Variants in SUMF1 observed in about 807,000 individuals in gnomAD.
The protein encoded by SUMF1 is formylglycine-generating enzyme.
A neutral mutation model predicts 47.6 loss-of-function variants in SUMF1; 48 were observed. That is an observed-to-expected ratio of 1.01 (90% CI 0.80 to 1.28). The LOEUF (loss-of-function observed/expected upper bound fraction) is 1.28. SUMF1 is among the 50% of genes most tolerant of loss of function. SUMF1 has a pLI of 0.00. For missense variants in SUMF1, 571 were observed against 485.4 expected, an observed-to-expected ratio of 1.18 and a Z score of -1.66; for synonymous variants, 230 against 192.1, an observed-to-expected ratio of 1.20 and a Z score of -1.63.
At chr3:4,315,209 G>T (rs1028274732) in intron 8 of SUMF1, among the ~76,000 whole-genome samples, 1 of 152,138 alleles carries the variant, frequency 6.6e-6, no homozygotes, top group Non-Finnish European at 1.5e-5. Context: ...CTCTGAAGCA[G>T]TCCTGCTTTT....
At position 4,090,502 on chromosome 3, in the gene SUMF1, T is replaced by C. The variant is rs1304286032; in HGVS notation, c.1015-21757A>G. Among the ~76,000 whole-genome samples, 8 of 152,090 alleles carry C rather than the reference T, an allele frequency of 5.3e-5. 1 individual carries two copies. Among genetic ancestry groups the C allele is most frequent in the Non-Finnish European group, 8.8e-5 (6 of 68,024 alleles). ...GGCTCCAGCCACCCATGACCCTGAATTGGAATTAAGCAGGTTGGAAAAGAA... is the reference window on the plus strand; with the variant it reads ...GGCTCCAGCCACCCATGACCCTGAACTGGAATTAAGCAGGTTGGAAAAGAA... On this transcript the variant is annotated intron_variant and NMD_transcript_variant, in intron 8 of 12. Coordinates refer to the SUMF1 transcript ENST00000448413.
In SUMF1 at chr3:4,232,928, A is replaced by G. The variant is rs78397012; in HGVS notation, c.1014+143402T>C. Reference sequence around the variant, plus strand: ...GTTACAGTCCTCCTTTTCCTCCCTCATCTGAAGAAGGATAAAAAATGCAGG... The same window carrying G: ...GTTACAGTCCTCCTTTTCCTCCCTCGTCTGAAGAAGGATAAAAAATGCAGG... On this transcript the variant is annotated intron_variant and NMD_transcript_variant, in intron 8 of 12. Transcript: ENST00000448413. 1.2e-4 allele frequency among the ~76,000 whole-genome samples: 19 copies of G among 152,174 alleles called. No individual in the cohort carries two copies. In the East Asian group the frequency reaches 3.5e-3, roughly 28 times the overall value.
At chr3:4,374,147 A>C (rs1575147612) in intron 8 of SUMF1, among the ~76,000 whole-genome samples, 1 of 152,186 alleles carries the variant, frequency 6.6e-6, no homozygotes, top group Non-Finnish European at 1.5e-5. Flanking sequence ...GTCTACTCTT[A>C]CCATTCCTAT....
intron 8 of SUMF1, among the ~76,000 whole-genome samples, chr3:4,104,587 T>C (rs374101921): frequency 1.3e-5 from 2 of 151,740 alleles, no homozygotes; most frequent in African/African-American, 4.8e-5. Flanking sequence ...ATTCTCCGGA[T>C]ACCCACCCTG....
At chr3:4,277,909 A>G (rs941546545) in intron 8 of SUMF1, among the ~76,000 whole-genome samples, 5 of 152,156 alleles carry the variant, frequency 3.3e-5, no homozygotes, top group Non-Finnish European at 7.4e-5. Flanking sequence ...AATCATCACT[A>G]TCATTATCAT....
chr3:4,327,954 A>G (rs1412216995), intron 8 of SUMF1, among the ~76,000 whole-genome samples: 1 of 152,244 alleles, frequency 6.6e-6, no homozygotes, highest in Non-Finnish European at 1.5e-5. Flanking sequence ...AGCAGCTCAC[A>G]CTTGTAATCT....
intron 8 of SUMF1, among the ~76,000 whole-genome samples, chr3:4,371,680 A>G (rs775078696): frequency 6.6e-6 from 1 of 152,188 alleles, no homozygotes; most frequent in Non-Finnish European, 1.5e-5. Flanking sequence ...ATCAACAACA[A>G]TGAGTATTTC....
chr3:4,437,644 A>G (rs1702444130), intron 3 of SUMF1, among the ~76,000 whole-genome samples: 1 of 152,232 alleles, frequency 6.6e-6, no homozygotes, highest in Admixed American at 6.5e-5. Flanking sequence ...ATACAAATTA[A>G]AAGTGAAAAG....
chr3:4,449,398 G>A (rs1419568234), intron 2 of SUMF1, 58 bp from the exon 3 acceptor site: 27 of 1,539,224 alleles, frequency 1.8e-5, no homozygotes, highest in Non-Finnish European at 2.2e-5. Flanking sequence ...TGTTGCATGT[G>A]TGCCCTTTTC....
chr3:4,303,933 G>T (rs918033889), intron 8 of SUMF1: 2 of 1,151,040 alleles, frequency 1.7e-6, no homozygotes, highest in Admixed American at 6.7e-5. Flanking sequence ...ACAGCCCCTC[G>T]AGTCAGCCTT....
At chr3:4,391,831 CTT>C (rs71053409) in intron 7 of SUMF1, among the ~76,000 whole-genome samples, 10,789 of 141,414 alleles carry the variant, frequency 0.076, 924 homozygotes, top group African/African-American at 0.22. Flanking sequence ...CTTTTCTTTT[CTT>C]TTTTTTTTTT....
chr3:4,134,572 A>G (rs188557542), intron 8 of SUMF1, among the ~76,000 whole-genome samples: 2 of 152,268 alleles, frequency 1.3e-5, no homozygotes, highest in East Asian at 1.9e-4. Flanking sequence ...GAGAAGCAAG[A>G]GCAAACACAT....
At chr3:4,182,850 G>A (rs1378973213) in intron 8 of SUMF1, among the ~76,000 whole-genome samples, 1 of 152,090 alleles carries the variant, frequency 6.6e-6, no homozygotes, top group Non-Finnish European at 1.5e-5. Flanking sequence ...AATAATCCTA[G>A]AGGTAAATTA....
intron 8 of SUMF1, among the ~76,000 whole-genome samples, chr3:4,071,410 G>C (rs190153019): frequency 5.6e-4 from 85 of 152,280 alleles, no homozygotes; most frequent in Non-Finnish European, 1.2e-3. Context: ...AGCCATGAGA[G>C]ACTGTAACAG....
downstream of SUMF1, among the ~76,000 whole-genome samples, chr3:4,359,501 C>T (rs2638374): frequency 0.41 from 62,713 of 151,922 alleles, 14,764 homozygotes; most frequent in African/African-American, 0.63. Context: ...GTTATAACTC[C>T]GTGTTCACAC....
chr3:4,048,045 T>G (rs1204109036), intron 9 of SUMF1, among the ~76,000 whole-genome samples: 1 of 152,142 alleles, frequency 6.6e-6, no homozygotes, highest in Non-Finnish European at 1.5e-5. Context: ...ATGGATCCTT[T>G]GATTAGGGTC....
rs554726306 is a variant in SUMF1, at chr3:4,190,940, GGA to G, written c.1015-122197_1015-122196del. ...AAACACACCAGGTTCCTGCTATTGA[GGA>G]GTGTGCATTCTAGTGAAGCCAGACA... On this transcript the variant is annotated intron_variant and NMD_transcript_variant, in intron 8 of 12. Coordinates refer to the SUMF1 transcript ENST00000448413. 4.9e-4 allele frequency among the ~76,000 whole-genome samples: 75 copies of G among 152,276 alleles called. No homozygotes were observed. In the South Asian group the frequency reaches 0.014, roughly 29 times the overall value.
intron 3 of SUMF1, among the ~76,000 whole-genome samples, chr3:4,421,359 G>C (rs1338239172): frequency 6.6e-6 from 1 of 152,152 alleles, no homozygotes; most frequent in African/African-American, 2.4e-5. Flanking sequence ...AGCAACTGAG[G>C]TTAATGACTC....
At chr3:4,051,449 C>T (rs764533429) in intron 9 of SUMF1, among the ~76,000 whole-genome samples, 13 of 152,220 alleles carry the variant, frequency 8.5e-5, no homozygotes, top group Non-Finnish European at 7.4e-5. Context: ...CTCAAGTGTG[C>T]GATCCAAGGA....
Sources: gnomAD v4.1 joint callset for allele counts (sites outside exome capture counted in the v4.1 genomes callset) on GRCh38, gnomAD v4.1.1 for gene constraint, MANE v1.5 for transcripts, NCBI Gene and HGNC (gene_info 2026-07-23, HGNC 2026-07-21) for gene names.